The following NCKAP1L variants were observed in gnomAD, a reference collection of about 807,000 sequenced individuals.
The protein encoded by NCKAP1L is NCK associated protein 1 like.
A neutral mutation model predicts 139.2 loss-of-function variants in NCKAP1L; 53 were observed. The ratio of observed to expected loss-of-function variants is 0.38; its 90% CI spans 0.31 to 0.48. The LOEUF (loss-of-function observed/expected upper bound fraction) is 0.48. Among genes scored for constraint, NCKAP1L ranks in the 20% least tolerant of loss-of-function variants. NCKAP1L has a pLI of 0.98. For synonymous variants in NCKAP1L, 468 were observed against 499.7 expected (o/e 0.94, Z 0.85); for missense variants, 1,151 against 1,381.9 (o/e 0.83, Z 2.65).
intron 1 of NCKAP1L, among the ~76,000 whole-genome samples, chr12:54,498,163 G>A (rs1219618003): frequency 6.6e-6 from 1 of 152,084 alleles, no homozygotes; most frequent in Non-Finnish European, 1.5e-5. Flanking sequence ...GGTGGGGATG[G>A]GGAAACAACA....
chr12:54,514,258 G>A (rs1251897997), intron 9 of NCKAP1L, among the ~76,000 whole-genome samples: 1 of 151,776 alleles, frequency 6.6e-6, no homozygotes, highest in African/African-American at 2.4e-5. Flanking sequence ...AAAAATCATT[G>A]TAAACAATGC....
chr12:54,518,451 G>A, intron 13 of NCKAP1L, 200 bp from the exon 14 acceptor site: 2 of 643,584 alleles, frequency 3.1e-6, no homozygotes. Context: ...ATAGAAATAG[G>A]AGAGAAAAAT....
At chr12:54,536,703 C>T (rs1957115703) in intron 28 of NCKAP1L, among the ~76,000 whole-genome samples, 1 of 106,912 alleles carries the variant, frequency 9.4e-6, no homozygotes, top group Non-Finnish European at 1.8e-5. Flanking sequence ...AACACCAAAA[C>T]ACCCCCTACC....
intron 3 of NCKAP1L, among the ~76,000 whole-genome samples, chr12:54,505,409 T>C (rs1296143314): frequency 6.6e-6 from 1 of 151,014 alleles, no homozygotes; most frequent in African/African-American, 2.4e-5. Flanking sequence ...CTACAAAGTA[T>C]TGAATATTTC....
intron 3 of NCKAP1L, among the ~76,000 whole-genome samples, chr12:54,501,632 AT>A (rs1956798596): frequency 1.3e-5 from 2 of 151,998 alleles, no homozygotes; most frequent in African/African-American, 2.4e-5. Flanking sequence ...AGCCTCTTGA[AT>A]AGCTGGGGCT....
In NCKAP1L at chr12:54,542,639, T is replaced by C; in HGVS notation, c.3338T>C (p.Leu1113Pro). The C allele has an allele frequency of 6.2e-7, 1 of 1,614,190 alleles. No individual in the cohort carries two copies. Among genetic ancestry groups the C allele is most frequent in the South Asian group, 1.1e-5 (1 of 91,074 alleles). Residue 1113 changes from leucine to proline, a missense_variant, in exon 31 of 31, where the codon CTT becomes CCT. Leu to Pro is a moderately conservative substitution (Grantham distance 98). Coordinates refer to ENST00000293373, the MANE Select transcript of NCKAP1L (RefSeq NM_005337.5). ...MLESCFPYVL[L>P]RNAYREVSRA... ...GAGTCCTGTTTCCCTTATGTCCTGC[T>C]TCGAAATGCCTATCGGGAGGTGTCT...
At chr12:54,518,845 A>G in intron 14 of NCKAP1L, 69 bp from the exon 15 acceptor site, 1 of 1,507,032 alleles carries the variant, frequency 6.6e-7, no homozygotes, top group Non-Finnish European at 9.2e-7. Flanking sequence ...AAGAGGATCT[A>G]CCATTCTATG....
chr12:54,547,853 C>G lies in NCKAP1L; in HGVS notation c.*5168C>G, dbSNP rs933172483. 3.3e-5 allele frequency: 5 copies of G among 152,146 alleles called. No homozygotes were observed. The highest frequency in any genetic ancestry group is 7.3e-5 in the Non-Finnish European group (5 of 68,044). 9.4% of individuals were successfully genotyped at this position (152,146 alleles called of 1,614,324 possible). A position where few individuals can be genotyped will look rare whatever the true frequency, so the allele number is the denominator to read the frequency against. ...GTGTGACTAGGGTCTCAGATGCAGC[C>G]ATTTCTTGGCTGGGTCTGGGGAAAA... On this transcript the variant is annotated 3_prime_UTR_variant, in exon 31 of 31. Coordinates refer to ENST00000293373, the MANE Select transcript of NCKAP1L (RefSeq NM_005337.5).
At chr12:54,540,594 A>G (rs563806323) in intron 30 of NCKAP1L, among the ~76,000 whole-genome samples, 4 of 152,334 alleles carry the variant, frequency 2.6e-5, no homozygotes, top group African/African-American at 7.2e-5. Flanking sequence ...TCCGTAAGGT[A>G]TTATGCGTGA....
chr12:54,520,909 G>C lies in NCKAP1L; in HGVS notation c.1758+83G>C, dbSNP rs1239533451. 3 of 1,586,472 alleles carry C rather than the reference G, an allele frequency of 1.9e-6. No homozygotes were observed. In the East Asian group the frequency reaches 6.7e-5, roughly 35 times the overall value. ...AAACACAATTCCAAGGGTTGATTTT[G>C]GTCCCAGAAAGGGTATAAACATAGA... On this transcript the variant is annotated intron_variant, in intron 17 of 30. Coordinates refer to ENST00000293373, the MANE Select transcript of NCKAP1L (RefSeq NM_005337.5).
chr12:54,510,623 C>A (rs1470919720), intron 7 of NCKAP1L, among the ~76,000 whole-genome samples: 1 of 152,118 alleles, frequency 6.6e-6, no homozygotes, highest in Non-Finnish European at 1.5e-5. Flanking sequence ...AATTCTTCTG[C>A]CTCAGCCTCC....
intron 30 of NCKAP1L, among the ~76,000 whole-genome samples, chr12:54,539,244 G>A (rs766418808): frequency 6.6e-5 from 10 of 152,320 alleles, no homozygotes; most frequent in Non-Finnish European, 1.0e-4. Context: ...CAATGTTCCC[G>A]AGTCTGATCT....
At chr12:54,516,599 C>T (rs1413504069) in intron 10 of NCKAP1L, among the ~76,000 whole-genome samples, 1 of 152,116 alleles carries the variant, frequency 6.6e-6, no homozygotes, top group African/African-American at 2.4e-5. Flanking sequence ...GCACCCACCA[C>T]CACGCCCAGC....
intron 1 of NCKAP1L, 103 bp downstream of exon 1, chr12:54,497,994 C>T: frequency 1.4e-6 from 1 of 701,740 alleles, no homozygotes; most frequent in Non-Finnish European, 2.6e-6. Context: ...TTTTTTTCCA[C>T]TGCTTTTCCA....
chr12:54,521,243 A>T lies in NCKAP1L; in HGVS notation c.1878+5A>T. On this transcript the variant is annotated splice_donor_5th_base_variant and intron_variant, in intron 18 of 30. Coordinates refer to ENST00000293373, the MANE Select transcript of NCKAP1L (RefSeq NM_005337.5). ...CAGCGAAACCTGAGCGAGCAGGTAG[A>T]CTCAGCCCTCTCTGTTTCACTCTCC... 5.0e-6 allele frequency: 8 copies of T among 1,613,602 alleles called. No individual in the cohort carries two copies. Among genetic ancestry groups the T allele is most frequent in the Non-Finnish European group, 6.8e-6 (8 of 1,179,698 alleles).
chr12:54,500,455 C>A (rs1956789087), intron 2 of NCKAP1L, 78 bp from the exon 3 acceptor site: 4 of 1,004,300 alleles, frequency 4.0e-6, no homozygotes, highest in Non-Finnish European at 4.8e-6. Flanking sequence ...TTAGGTATAA[C>A]CACTGTTCTT....
At chr12:54,504,468 T>C (rs1167251027) in intron 3 of NCKAP1L, among the ~76,000 whole-genome samples, 1 of 152,168 alleles carries the variant, frequency 6.6e-6, no homozygotes, top group African/African-American at 2.4e-5. Context: ...GTGGGAAGAA[T>C]GCTGGAAGCA....
chr12:54,531,570 T>A lies in NCKAP1L; in HGVS notation c.2684T>A (p.Leu895Gln). The stretch of plus-strand genomic sequence containing the variant: ...AAGCCGGACTTGATGGCTTCCCTGC[T>A]GCCCCAGCTGACAGGTAAGCATCCT... ...FSKPDLMASL[L>Q]PQLTGAENVL... Residue 895 changes from leucine (L) to glutamine (Q), a missense_variant, in exon 24 of 31, where the codon CTG becomes CAG. Coordinates refer to ENST00000293373, the MANE Select transcript of NCKAP1L (RefSeq NM_005337.5). 1 of 1,614,188 alleles carries A rather than the reference T, an allele frequency of 6.2e-7. No homozygotes were observed. Among genetic ancestry groups the A allele is most frequent in the Non-Finnish European group, 8.5e-7 (1 of 1,180,014 alleles).
Position 54,542,689 on chromosome 12 carries a change from C to T in NCKAP1L, c.*4C>T, listed in dbSNP as rs1216188886. 1 of 1,603,298 alleles carries T rather than the reference C, an allele frequency of 6.2e-7. No individual in the cohort carries two copies. The highest frequency in any genetic ancestry group is 1.1e-5 in the South Asian group (1 of 90,888). ...TCGGGCCTTCCACCTAAACTGAATG[C>T]CTGCCAGTACCCACTGAAGAGCCCT... is the stretch of plus-strand genomic sequence containing the variant. On this transcript the variant is annotated 3_prime_UTR_variant, in exon 31 of 31. Transcript: ENST00000293373.
Sources: gnomAD v4.1 joint callset for allele counts (sites outside exome capture counted in the v4.1 genomes callset) on GRCh38, gnomAD v4.1.1 for gene constraint, MANE v1.5 for transcripts, NCBI Gene and HGNC (gene_info 2026-07-23, HGNC 2026-07-21) for gene names.